HGS: variants seen among roughly 807,000 people sequenced by gnomAD.
HGS encodes hepatocyte growth factor-regulated tyrosine kinase substrate, also known as human growth factor-regulated tyrosine kinase substrate.
Under a neutral mutation model 109.7 loss-of-function variants are expected in HGS, and 63 were observed. The ratio of observed to expected loss-of-function variants is 0.57; its 90% CI spans 0.47 to 0.71. HGS has a LOEUF of 0.71. Among genes scored for constraint, HGS ranks in the 30% least tolerant of loss-of-function variants. The pLI, the probability that HGS is intolerant of heterozygous loss-of-function variation, is 0.00. For missense variants in HGS, 995 were observed against 1,068.3 expected (o/e 0.93, Z 0.96); for synonymous variants, 546 against 437.3 (o/e 1.25, Z -3.10).
Position 81,685,364 on chromosome 17 carries a change from G to A in HGS, c.38-241G>A, listed in dbSNP as rs150044873. Among the ~76,000 whole-genome samples the A allele has an allele frequency of 3.9e-5, 6 of 152,310 alleles. No individual in the cohort carries two copies. The South Asian group carries it at 6.2e-4, about 16-fold the overall frequency. The stretch of plus-strand genomic sequence containing the variant: ...TCTGCTGAGTGTCTTTACCTCGCTC[G>A]CGGGTTGTGGGAGGGCTTGGACCAG... On this transcript the variant is annotated intron_variant, in intron 1 of 21. Coordinates refer to ENST00000329138, the MANE Select transcript of HGS (RefSeq NM_004712.5).
chr17:81,694,712 T>G, intron 11 of HGS, 103 bp from the exon 12 acceptor site: 1 of 1,398,886 alleles, frequency 7.1e-7, no homozygotes, highest in Non-Finnish European at 1.0e-6. Context: ...GGGCCCAGGC[T>G]GCGGCTCTGG....
intron 11 of HGS, 84 bp from the exon 12 acceptor site, chr17:81,694,731 A>G (rs1324855620): frequency 9.0e-6 from 14 of 1,552,598 alleles, no homozygotes; most frequent in Non-Finnish European, 1.1e-5. Flanking sequence ...GGTCTCCAGG[A>G]TCTGTCGCAC....
chr17:81,684,879 C>T (rs1175974854), intron 1 of HGS: 2 of 984,610 alleles, frequency 2.0e-6, no homozygotes, highest in Non-Finnish European at 1.2e-6. Context: ...GACTGAGTAT[C>T]TCAGCCACAC....
chr17:81,688,487 T>TG (rs1347053844), intron 4 of HGS, among the ~76,000 whole-genome samples: 1 of 152,172 alleles, frequency 6.6e-6, no homozygotes, highest in Non-Finnish European at 1.5e-5. Context: ...GACGCGGCGT[T>TG]GTTTGGCTCC....
rs760151872 is a variant in HGS at position 81,700,624 on chromosome 17, C to T, written c.2016+24C>T. 8 of 1,592,844 alleles carry T rather than the reference C, an allele frequency of 5.0e-6. No individual in the cohort carries two copies. The South Asian group carries it at 5.6e-5, about 11-fold the overall frequency. ...AGGTACACAGGAAGGCCGCTCCTCT[C>T]CTTCCAGGGCCAGCCCCAGCCCCAG... On this transcript the variant is annotated intron_variant, in intron 19 of 21. Coordinates refer to ENST00000329138, the MANE Select transcript of HGS (RefSeq NM_004712.5).
Position 81,700,834 on chromosome 17 carries a change from C to T in HGS, c.2136+20C>T. 1.2e-6 allele frequency: 2 copies of T among 1,604,210 alleles called. No homozygotes were observed. Among genetic ancestry groups the T allele is most frequent in the East Asian group, 4.5e-5 (2 of 44,714 alleles). On this transcript the variant is annotated intron_variant, in intron 20 of 21. Transcript: ENST00000329138. ...ATGCAGGTACAGTGACCTCCAGGCCCTGCTGGGGGCCAGGGTGGGGGAGCA... is the reference window on the plus strand; with the variant it reads ...ATGCAGGTACAGTGACCTCCAGGCCTTGCTGGGGGCCAGGGTGGGGGAGCA...
In HGS at chr17:81,690,174, C is replaced by T. The variant is rs1568213997; in HGVS notation, c.416-8C>T. Reference sequence around the variant, plus strand: ...GAGCAGGCAGTGACTATGGCTTCATCTCTCCAGGGCACGTCTTTCCAGAAT... The same window carrying T: ...GAGCAGGCAGTGACTATGGCTTCATTTCTCCAGGGCACGTCTTTCCAGAAT... On this transcript the variant is annotated splice_region_variant and splice_polypyrimidine_tract_variant and intron_variant, in intron 5 of 21. Transcript: ENST00000329138. The T allele has an allele frequency of 3.7e-6, 6 of 1,612,382 alleles. No individual in the cohort carries two copies. Among genetic ancestry groups the T allele is most frequent in the Admixed American group, 1.7e-5 (1 of 59,892 alleles).
At chr17:81,688,587 G>A (rs2037017851) in intron 4 of HGS, 117 bp from the exon 5 acceptor site, 4 of 1,323,584 alleles carry the variant, frequency 3.0e-6, no homozygotes, top group Admixed American at 4.1e-5. Context: ...GGCCCTCCCT[G>A]GCCTCTGTGT....
At chr17:81,696,150 C>T (rs1049765473) in intron 15 of HGS, 151 bp downstream of exon 15, 69 of 910,722 alleles carry the variant, frequency 7.6e-5, no homozygotes, top group Non-Finnish European at 9.6e-5. Flanking sequence ...AGGAGGTGGT[C>T]TCAGTGATGA....
At chr17:81,690,079 C>G in intron 5 of HGS, 103 bp from the exon 6 acceptor site, 1 of 1,273,658 alleles carries the variant, frequency 7.9e-7, no homozygotes, top group Non-Finnish European at 1.1e-6. Context: ...CACTTGGGTG[C>G]ACGGTCACTG....
At chr17:81,694,046 G>C (rs2037107738) in intron 11 of HGS, 81 bp downstream of exon 11, 2 of 1,268,266 alleles carry the variant, frequency 1.6e-6, no homozygotes, top group Non-Finnish European at 1.1e-6. Flanking sequence ...AGCTGATTTA[G>C]TCAGGTTGGT....
At chr17:81,692,105 G>A (rs2037073323) in intron 8 of HGS, 1 of 160,930 alleles carries the variant, frequency 6.2e-6, no homozygotes, top group East Asian at 1.8e-4. Context: ...CTCTGAGAGG[G>A]ACAGTGCTCT....
rs1568216929 is a variant in HGS, at chr17:81,695,058, CGTG to C, written c.1115_1117del (p.Val372del). ...GGGAAGGGCACGCAGCCCCCACCAA[CGTG>C]GTGGAGGTGAGGGGGCCACTCCCGG... is the stretch of plus-strand genomic sequence containing the variant. On this transcript the variant is annotated inframe_deletion, in exon 13 of 22. Coordinates refer to ENST00000329138, the MANE Select transcript of HGS (RefSeq NM_004712.5). 1 of 1,613,240 alleles carries C rather than the reference CGTG, an allele frequency of 6.2e-7. No homozygotes were observed. Among genetic ancestry groups the C allele is most frequent in the Admixed American group, 1.7e-5 (1 of 59,990 alleles).
chr17:81,685,838 A>G, intron 2 of HGS, 149 bp downstream of exon 2: 1 of 573,020 alleles, frequency 1.7e-6, no homozygotes, highest in Non-Finnish European at 3.0e-6. Flanking sequence ...GGATTTTTTG[A>G]CATCTTGGAG....
chr17:81,688,608 T>G, intron 4 of HGS, 96 bp from the exon 5 acceptor site: 1 of 1,487,166 alleles, frequency 6.7e-7, no homozygotes, highest in Non-Finnish European at 9.2e-7. Context: ...CAGCCCCATC[T>G]GCTCAGAGGC....
Position 81,691,283 on chromosome 17 carries a change from A to G in HGS, c.538-164A>G, listed in dbSNP as rs900720785. Reference sequence around the variant, plus strand: ...CGTTGAGACTCCCGGGAGCATGTCCAGGTTCCCCGGCCTTAGGGTCTTCCC... The same window carrying G: ...CGTTGAGACTCCCGGGAGCATGTCCGGGTTCCCCGGCCTTAGGGTCTTCCC... On this transcript the variant is annotated intron_variant, in intron 7 of 21. Transcript: ENST00000329138. The surrounding 1 kb of genome is among the most constrained non-coding windows in gnomAD (Gnocchi z 5.3). The G allele has an allele frequency of 8.9e-6, 7 of 786,158 alleles. No homozygotes were observed. Among genetic ancestry groups the G allele is most frequent in the Non-Finnish European group, 1.4e-5 (7 of 484,964 alleles). The allele number at this position is 786,158 out of a possible 1,614,324, so 48.7% of individuals were successfully genotyped here.
Position 81,695,218 on chromosome 17 carries a change from A to G in HGS, c.1174A>G (p.Ser392Gly). The G allele has an allele frequency of 6.2e-7, 1 of 1,614,106 alleles. No individual in the cohort carries two copies. The highest frequency in any genetic ancestry group is 1.7e-5 in the Admixed American group (1 of 60,024). Residue 392 changes from serine (S) to glycine (G), a missense_variant, in exon 14 of 22, where the codon AGT (serine) becomes GGT (glycine). This residue lies in a region of HGS where 300 missense variants were observed against 235.4 expected (regional missense o/e 1.27). Transcript: ENST00000329138. The stretch of plus-strand genomic sequence containing the variant: ...CATTCCTCCCTCTGGTGGCCCCTTT[A>G]GTGAGGTAAGCTGTGGCTCCCTCCA... ...QPIPPSGGPF[S>G]EPQFHNGESE...
intron 7 of HGS, chr17:81,690,974 T>A: frequency 1.9e-6 from 1 of 532,436 alleles, no homozygotes; most frequent in Non-Finnish European, 3.3e-6. Flanking sequence ...TATAATGTTT[T>A]AAACCTAGGG....
At position 81,693,156 on chromosome 17, in the gene HGS, C is replaced by T. The variant is rs530691319; in HGVS notation, c.663-347C>T. 1.1e-4 allele frequency: 32 copies of T among 284,008 alleles called. No individual in the cohort carries two copies. In the South Asian group the frequency reaches 2.7e-3, roughly 24 times the overall value. 17.6% of individuals were successfully genotyped at this position (284,008 alleles called of 1,614,324 possible). A position where few individuals can be genotyped will look rare whatever the true frequency, so the allele number is the denominator to read the frequency against. On this transcript the variant is annotated intron_variant, in intron 8 of 21. Coordinates refer to ENST00000329138, the MANE Select transcript of HGS (RefSeq NM_004712.5). ...GCATGACAGTCACTGACCTGTTTGC[C>T]CCTTCTTGGGTGGGGCCCGTCCCAC...
Sources: gnomAD v4.1 joint callset for allele counts (sites outside exome capture counted in the v4.1 genomes callset) on GRCh38, gnomAD v4.1.1 for gene constraint, gnomAD v4.1.1 regional missense constraint, Gnocchi (gnomAD v3.1) non-coding constraint, MANE v1.5 for transcripts, NCBI Gene and HGNC (gene_info 2026-07-23, HGNC 2026-07-21) for gene names.